STPG2: variants seen among roughly 807,000 people sequenced by gnomAD.
STPG2 encodes the protein sperm-tail PG-rich repeat-containing protein 2.
A neutral mutation model predicts 54.2 loss-of-function variants in STPG2; 56 were observed. The ratio of observed to expected loss-of-function variants is 1.03; its 90% confidence interval spans 0.83 to 1.29. The LOEUF (loss-of-function observed/expected upper bound fraction) is 1.29, where lower values mean the gene tolerates loss of function less well. STPG2 is among the 50% of genes most tolerant of loss of function. The probability of loss-of-function intolerance (pLI) is 0.00; values close to 1 mark genes in which losing one functional copy is unlikely to be tolerated. For missense variants in STPG2, 596 were observed against 544.9 expected, an observed-to-expected ratio of 1.09 and a Z score of -0.93; for synonymous variants, 200 against 181.8, an observed-to-expected ratio of 1.10 and a Z score of -0.81.
At chr4:97,811,163 A>T (rs1248223627) in intron 9 of STPG2, among the ~76,000 whole-genome samples, 1 of 152,128 alleles carries the variant, frequency 6.6e-6, no homozygotes, top group African/African-American at 2.4e-5. Context: ...TTGCTGCCCC[A>T]AAAAGGCTTA....
intron 6 of STPG2, among the ~76,000 whole-genome samples, chr4:97,974,953 A>T (rs1734452758): frequency 6.6e-6 from 1 of 152,194 alleles, no homozygotes; most frequent in South Asian, 2.1e-4. Flanking sequence ...CACCCAAACC[A>T]TGGCATACTA....
chr4:98,117,857 G>T (rs1560687219), intron 3 of STPG2, among the ~76,000 whole-genome samples: 1 of 151,928 alleles, frequency 6.6e-6, no homozygotes, highest in African/African-American at 2.4e-5. Flanking sequence ...TTCAGACATA[G>T]TTTGCTTTAT....
rs556229172 is a variant in STPG2 at position 97,995,877 on chromosome 4, T to C, written c.613-14559A>G. Among the ~76,000 whole-genome samples, 6 of 152,154 alleles carry C rather than the reference T, an allele frequency of 3.9e-5. No individual in the cohort carries two copies. In the East Asian group the frequency reaches 5.8e-4, roughly 15 times the overall value. On this transcript the variant is annotated intron_variant, in intron 5 of 10. Transcript: ENST00000295268. ...GGCATGGTGGGAGGTAACTGGATAA[T>C]GGAGGCAGATTTCTTTCTCTACAAT...
intron 8 of STPG2, among the ~76,000 whole-genome samples, chr4:97,924,093 T>C (rs1732239438): frequency 6.6e-6 from 1 of 152,156 alleles, no homozygotes; most frequent in East Asian, 1.9e-4. Flanking sequence ...GTTTATGAGC[T>C]GTAACACTCA....
chr4:98,131,726 T>C (rs1740002860), intron 2 of STPG2, among the ~76,000 whole-genome samples: 1 of 152,140 alleles, frequency 6.6e-6, no homozygotes, highest in East Asian at 1.9e-4. Context: ...AATGTACCTT[T>C]CTAAACATAC....
chr4:98,048,640 C>A, intron 5 of STPG2: 1 of 159,100 alleles, frequency 6.3e-6, no homozygotes, highest in East Asian at 1.6e-4. Context: ...CCCCACTTTG[C>A]CTGGCTCCCT....
intron 8 of STPG2, among the ~76,000 whole-genome samples, chr4:97,855,289 T>C (rs1729298177): frequency 6.6e-6 from 1 of 152,216 alleles, no homozygotes; most frequent in Non-Finnish European, 1.5e-5. Flanking sequence ...ATGAGATTGC[T>C]GAGTCAAATG....
At chr4:97,802,358 G>C (rs1727427613) in intron 9 of STPG2, among the ~76,000 whole-genome samples, 1 of 152,184 alleles carries the variant, frequency 6.6e-6, no homozygotes, top group African/African-American at 2.4e-5. Flanking sequence ...AAGGATGTCA[G>C]AAGTACTCCA....
chr4:97,920,812 C>A (rs1338441076), intron 8 of STPG2, among the ~76,000 whole-genome samples: 5 of 152,114 alleles, frequency 3.3e-5, no homozygotes, highest in Non-Finnish European at 5.9e-5. Flanking sequence ...AACTTTTTTA[C>A]CTAGTGTGTG....
chr4:97,985,679 T>A (rs1321294334), intron 5 of STPG2, among the ~76,000 whole-genome samples: 1 of 152,178 alleles, frequency 6.6e-6, no homozygotes, highest in Non-Finnish European at 1.5e-5. Flanking sequence ...CTGTTTAAAC[T>A]CTTCCATATC....
chr4:97,745,854 T>C (rs1422457445), intron 9 of STPG2, among the ~76,000 whole-genome samples: 1 of 151,198 alleles, frequency 6.6e-6, no homozygotes, highest in Admixed American at 6.6e-5. Context: ...AAATAAAAGT[T>C]CTCAAATGTC....
chr4:97,471,708 T>C (rs1015699120), intron 4 of STPG2, among the ~76,000 whole-genome samples: 4 of 152,182 alleles, frequency 2.6e-5, no homozygotes, highest in African/African-American at 9.7e-5. Context: ...AAAATTCATT[T>C]TAAGACAACG....
intron 8 of STPG2, among the ~76,000 whole-genome samples, chr4:97,942,190 C>CCTTCCTATGGATG (rs11273611): frequency 0.4 from 59,772 of 150,018 alleles, 12,082 homozygotes; most frequent in Middle Eastern, 0.45. Flanking sequence ...ACACATACTG[C>CCTTCCTATGGATG]CTTCCTATGG....
At chr4:97,787,971 T>C (rs1578564296) in intron 9 of STPG2, among the ~76,000 whole-genome samples, 1 of 152,052 alleles carries the variant, frequency 6.6e-6, no homozygotes, top group Middle Eastern at 3.4e-3. Flanking sequence ...TGTATAGATT[T>C]ATGGGGTACA....
intron 7 of STPG2, among the ~76,000 whole-genome samples, chr4:97,946,183 T>C (rs537279946): frequency 6.6e-6 from 1 of 152,306 alleles, no homozygotes; most frequent in East Asian, 1.9e-4. Flanking sequence ...TTGCTGGCCA[T>C]TTGTATATCT....
chr4:97,950,749 G>A (rs147286249), intron 7 of STPG2, among the ~76,000 whole-genome samples: 20 of 152,188 alleles, frequency 1.3e-4, no homozygotes, highest in African/African-American at 4.8e-4. Flanking sequence ...AACTAACTTT[G>A]GGAAAACTTA....
Position 98,128,597 on chromosome 4 carries a change from A to G in STPG2, c.223-5T>C, listed in dbSNP as rs750619376. ...TGTAGGTGATCTTGAAATTTTCTGC[A>G]AGGAAAACATTTTATATTATTTATT... is the stretch of plus-strand genomic sequence containing the variant. On this transcript the variant is annotated splice_polypyrimidine_tract_variant and splice_region_variant and intron_variant, in intron 2 of 10. Transcript: ENST00000295268. 6 of 1,574,176 alleles carry G rather than the reference A, an allele frequency of 3.8e-6. No individual in the cohort carries two copies. The highest frequency in any genetic ancestry group is 5.2e-6 in the Non-Finnish European group (6 of 1,163,218).
intron 4 of STPG2, among the ~76,000 whole-genome samples, chr4:97,455,913 G>A (rs997285098): frequency 2.0e-5 from 3 of 152,152 alleles, no homozygotes; most frequent in African/African-American, 4.8e-5. Context: ...TTTGAGCAGT[G>A]GGGCACTGAA....
intron 8 of STPG2, among the ~76,000 whole-genome samples, chr4:97,881,001 A>G (rs180776914): frequency 1.3e-4 from 20 of 152,220 alleles, no homozygotes; most frequent in African/African-American, 4.8e-4. Flanking sequence ...CCAATTTTGA[A>G]GAAATAAAAA....
Sources: allele counts gnomAD v4.1 joint callset (sites outside exome capture counted in the v4.1 genomes callset), GRCh38; gene constraint gnomAD v4.1.1; transcripts MANE v1.5; gene names NCBI Gene and HGNC (gene_info 2026-07-23, HGNC 2026-07-21).